DLEU7: variants seen among roughly 807,000 people sequenced by gnomAD.
The protein encoded by DLEU7 is leukemia-associated protein 7.
Under a neutral mutation model 16.0 loss-of-function variants are expected in DLEU7, and 17 were observed. The observed-to-expected ratio is 1.06, with a 90% confidence interval of 0.73 to 1.59. The LOEUF is 1.59. DLEU7 is among the 40% of genes most tolerant of loss of function. DLEU7 has a pLI of 0.00. For missense variants in DLEU7, 308 were observed against 314.9 expected, an observed-to-expected ratio of 0.98 and a Z score of 0.17; for synonymous variants, 113 against 139.8, an observed-to-expected ratio of 0.81 and a Z score of 1.35.
intron 1 of DLEU7, among the ~76,000 whole-genome samples, chr13:50,755,821 CT>C (rs1874740883): frequency 6.6e-6 from 1 of 152,068 alleles, no homozygotes; most frequent in Non-Finnish European, 1.5e-5. Context: ...TGTTTTTCTG[CT>C]TCCTTTTCAT....
intron 1 of DLEU7, among the ~76,000 whole-genome samples, chr13:50,730,621 T>C (rs1268986550): frequency 6.6e-6 from 1 of 152,090 alleles, no homozygotes; most frequent in Non-Finnish European, 1.5e-5. Flanking sequence ...CCAGGGAATC[T>C]CCTGGTTTTT....
chr13:50,819,323 C>T (rs60890491), downstream of DLEU7, among the ~76,000 whole-genome samples: 603 of 152,062 alleles, frequency 4.0e-3, 6 homozygotes, highest in African/African-American at 0.013. Flanking sequence ...TAAAGAGACT[C>T]GTGTCTTAGG....
chr13:50,761,872 T>C (rs1197544439), intron 1 of DLEU7, among the ~76,000 whole-genome samples: 3 of 152,186 alleles, frequency 2.0e-5, no homozygotes, highest in Non-Finnish European at 4.4e-5. Flanking sequence ...TAATGAAATA[T>C]ACCAAATAAG....
At chr13:50,780,986 T>C (rs1695552557) in intron 1 of DLEU7, among the ~76,000 whole-genome samples, 1 of 152,248 alleles carries the variant, frequency 6.6e-6, no homozygotes, top group African/African-American at 2.4e-5. Context: ...TCCATCCATC[T>C]GTCCATCTAT....
chr13:50,751,823 T>C (rs1874573047), intron 1 of DLEU7, among the ~76,000 whole-genome samples: 1 of 152,228 alleles, frequency 6.6e-6, no homozygotes, highest in African/African-American at 2.4e-5. Context: ...TTTTCTCTCT[T>C]CTTTTCTTGG....
downstream of DLEU7, among the ~76,000 whole-genome samples, chr13:50,820,540 G>A (rs1218985439): frequency 6.6e-6 from 1 of 152,076 alleles, no homozygotes; most frequent in African/African-American, 2.4e-5. Context: ...ATTCAGGGTA[G>A]GTAGATCTGC....
Position 50,836,050 on chromosome 13 carries a change from T to C in DLEU7, c.459+7138A>G, listed in dbSNP as rs73497566. ...TAAACAATCCACAAGGATTGTGCTTTTTTCTCCTACCATGTCACCTTCAAA... is the reference window on the plus strand; with the variant it reads ...TAAACAATCCACAAGGATTGTGCTTCTTTCTCCTACCATGTCACCTTCAAA... On this transcript the variant is annotated intron_variant, in intron 1 of 1. Transcript: ENST00000504404. Among the ~76,000 whole-genome samples, 591 of 152,330 alleles carry C rather than the reference T, an allele frequency of 3.9e-3. 6 individuals are homozygous for C. The highest frequency in any genetic ancestry group is 0.013 in the African/African-American group (552 of 41,570).
At chr13:50,805,590 C>G (rs952913874) in intron 1 of DLEU7, among the ~76,000 whole-genome samples, 1 of 151,928 alleles carries the variant, frequency 6.6e-6, no homozygotes, top group Admixed American at 6.6e-5. Context: ...TTTTAAATAT[C>G]TTTTTTATTT....
chr13:50,735,239 G>A lies in DLEU7; in HGVS notation c.460-21999C>T, dbSNP rs148674326. On this transcript the variant is annotated intron_variant, in intron 1 of 1. Coordinates refer to the DLEU7 transcript ENST00000400393. ...CATCCTTCTCTCAAACAATGGTAGAGCAGTTAGACAAGAATTCAGTAAAGA... is the reference window on the plus strand; with the variant it reads ...CATCCTTCTCTCAAACAATGGTAGAACAGTTAGACAAGAATTCAGTAAAGA... 1.0e-3 allele frequency among the ~76,000 whole-genome samples: 156 copies of A among 152,230 alleles called. No individual in the cohort carries two copies. The South Asian group carries it at 0.012, about 12-fold the overall frequency.
chr13:50,787,012 C>T (rs564506296), intron 1 of DLEU7, among the ~76,000 whole-genome samples: 1 of 152,282 alleles, frequency 6.6e-6, no homozygotes, highest in Non-Finnish European at 1.5e-5. Flanking sequence ...AAATCAAGGA[C>T]ATTATTCAAG....
chr13:50,794,611 C>T (rs905315229), intron 1 of DLEU7, among the ~76,000 whole-genome samples: 3 of 152,140 alleles, frequency 2.0e-5, no homozygotes, highest in African/African-American at 7.2e-5. Flanking sequence ...TGTACTTGTG[C>T]TGTGAGTTGG....
intron 1 of DLEU7, among the ~76,000 whole-genome samples, chr13:50,743,134 AAAAG>A (rs945670220): frequency 1.3e-5 from 2 of 151,114 alleles, no homozygotes. Flanking sequence ...ATCTGTAAGA[AAAAG>A]AGAGAGAGAG....
chr13:50,724,523 A>G (rs1873712919), intron 1 of DLEU7, among the ~76,000 whole-genome samples: 1 of 152,130 alleles, frequency 6.6e-6, no homozygotes. Flanking sequence ...AGGCAAAAAA[A>G]AAGCAACAAA....
At chr13:50,836,552 T>C (rs1877472599) in intron 1 of DLEU7, among the ~76,000 whole-genome samples, 1 of 151,896 alleles carries the variant, frequency 6.6e-6, no homozygotes, top group South Asian at 2.1e-4. Context: ...CAGGCGCCTG[T>C]AGTCCCAGCT....
chr13:50,742,898 A>G (rs1410356019), intron 1 of DLEU7, among the ~76,000 whole-genome samples: 1 of 152,178 alleles, frequency 6.6e-6, no homozygotes. Flanking sequence ...ATAGAGTATA[A>G]AAAACCCTCT....
At position 50,737,106 on chromosome 13, in the gene DLEU7, G is replaced by T. The variant is rs376026955; in HGVS notation, c.460-23866C>A. Among the ~76,000 whole-genome samples the T allele has an allele frequency of 8.0e-4, 122 of 152,154 alleles. 1 individual carries two copies. The highest frequency in any genetic ancestry group is 2.7e-3 in the African/African-American group (114 of 41,538). The stretch of plus-strand genomic sequence containing the variant: ...CAAAATCTCTCAGAAAATAAAGAGA[G>T]CTCACTTCCCTATTTATTTTGTGAG... On this transcript the variant is annotated intron_variant, in intron 1 of 1. Coordinates refer to the DLEU7 transcript ENST00000400393.
At chr13:50,757,555 G>A (rs908666050) in intron 1 of DLEU7, among the ~76,000 whole-genome samples, 16 of 152,074 alleles carry the variant, frequency 1.1e-4, no homozygotes, top group Admixed American at 2.6e-4. Flanking sequence ...TTGTAAACTC[G>A]AGCGCTCACA....
At chr13:50,752,360 CTT>C (rs1874595629) in intron 1 of DLEU7, among the ~76,000 whole-genome samples, 1 of 151,992 alleles carries the variant, frequency 6.6e-6, no homozygotes, top group African/African-American at 2.4e-5. Flanking sequence ...CTTTTTTAGT[CTT>C]TTTGATGTAG....
intron 1 of DLEU7, among the ~76,000 whole-genome samples, chr13:50,789,408 AACTTGACAT>A (rs1315495961): frequency 6.9e-6 from 1 of 145,488 alleles, no homozygotes; most frequent in Non-Finnish European, 1.5e-5. Context: ...AAGAAAATGG[AACTTGACAT>A]ACTAGATAAC....
Sources: gnomAD v4.1 joint callset for allele counts (sites outside exome capture counted in the v4.1 genomes callset) on GRCh38, gnomAD v4.1.1 for gene constraint, MANE v1.5 for transcripts, NCBI Gene and HGNC (gene_info 2026-07-23, HGNC 2026-07-21) for gene names.